Variants in CYB5B observed in about 807,000 individuals in gnomAD.
CYB5B encodes the protein cytochrome b5 type B.
CYB5B carries 14 observed loss-of-function variants against 21.3 expected under a neutral mutation model. That is an observed-to-expected ratio of 0.66 (90% CI 0.43 to 1.03). CYB5B has a LOEUF of 1.03. CYB5B is among the 50% of genes least tolerant of loss of function. The pLI is 0.00. For synonymous variants in CYB5B, 69 were observed against 68.4 expected (o/e 1.01, Z -0.04); for missense variants, 166 against 185.1 (o/e 0.90, Z 0.60).
At chr16:69,446,193 CTT>C (rs1240059706) in intron 1 of CYB5B, among the ~76,000 whole-genome samples, 5 of 152,150 alleles carry the variant, frequency 3.3e-5, no homozygotes, top group African/African-American at 7.2e-5. Flanking sequence ...GACAGGTACT[CTT>C]ATTAATATTT....
chr16:69,429,038 A>C (rs560285499), intron 1 of CYB5B, among the ~76,000 whole-genome samples: 191 of 152,346 alleles, frequency 1.3e-3, no homozygotes, highest in Non-Finnish European at 4.1e-4. Context: ...TTGGAGCAGA[A>C]GAGTGACATG....
chr16:69,456,586 T>C (rs915162241), intron 3 of CYB5B, among the ~76,000 whole-genome samples: 2 of 152,222 alleles, frequency 1.3e-5, no homozygotes, highest in South Asian at 2.1e-4. Context: ...ACTAAAATCA[T>C]AGTATTGCAA....
intron 3 of CYB5B, chr16:69,449,646 C>T (rs2014913015): frequency 6.6e-6 from 1 of 152,120 alleles, no homozygotes; most frequent in Non-Finnish European, 1.5e-5. Flanking sequence ...TCTTGTATCA[C>T]CTCAGTTGGA....
chr16:69,426,404 A>G (rs2014647111), intron 1 of CYB5B, among the ~76,000 whole-genome samples: 1 of 148,704 alleles, frequency 6.7e-6, no homozygotes. Flanking sequence ...ATCTCAAAAA[A>G]AAAAAAAAAA....
chr16:69,449,350 T>A (rs1425664538), intron 3 of CYB5B: 1 of 151,970 alleles, frequency 6.6e-6, no homozygotes, highest in Non-Finnish European at 1.5e-5. Flanking sequence ...ATAACTTGTG[T>A]TATTATGGTA....
intron 3 of CYB5B, chr16:69,448,395 G>A (rs2014899509): frequency 6.4e-6 from 3 of 468,490 alleles, no homozygotes; most frequent in Non-Finnish European, 1.1e-5. Flanking sequence ...CCAAAGCTAT[G>A]CCCTGTGTGG....
intron 3 of CYB5B, among the ~76,000 whole-genome samples, chr16:69,455,247 A>G (rs1366065122): frequency 6.6e-6 from 1 of 151,908 alleles, no homozygotes; most frequent in African/African-American, 2.4e-5. Flanking sequence ...TCTTTCCTAC[A>G]TTTATGTCCT....
At position 69,453,296 on chromosome 16, in the gene CYB5B, T is replaced by A. The variant is rs1042959859; in HGVS notation, c.333+5152T>A. On this transcript the variant is annotated intron_variant, in intron 3 of 4. Coordinates refer to ENST00000307892, the MANE Select transcript of CYB5B (RefSeq NM_030579.3). ...ATACATACAGTTTTCTGTTATATAA[T>A]GTATTATGTAACATACAGTTTACTT... Among the ~76,000 whole-genome samples the A allele has an allele frequency of 3.9e-5, 6 of 152,238 alleles. No homozygotes were observed. In the South Asian group the frequency reaches 1.2e-3, roughly 31 times the overall value.
chr16:69,461,566 G>C (rs2015036122), intron 4 of CYB5B, among the ~76,000 whole-genome samples: 1 of 152,134 alleles, frequency 6.6e-6, no homozygotes, highest in South Asian at 2.1e-4. Flanking sequence ...CTTAAGTAGA[G>C]GGGCAGCCGG....
In CYB5B at chr16:69,464,205, A is replaced by G. The variant is rs2015064136; in HGVS notation, c.*1685A>G. The G allele has an allele frequency of 6.6e-6, 1 of 152,238 alleles. No individual in the cohort carries two copies. Among genetic ancestry groups the G allele is most frequent in the Non-Finnish European group, 1.5e-5 (1 of 68,044 alleles). 9.4% of individuals were successfully genotyped at this position (152,238 alleles called of 1,614,324 possible). ...TTGTATCCTGTGATTTAGCAGTTGA[A>G]TGAATACAGAATTCATCAAAATAAT... On this transcript the variant is annotated 3_prime_UTR_variant, in exon 5 of 5. Transcript: ENST00000307892.
chr16:69,454,088 A>G (rs957981425), intron 3 of CYB5B, among the ~76,000 whole-genome samples: 9 of 152,192 alleles, frequency 5.9e-5, no homozygotes, highest in African/African-American at 1.2e-4. Flanking sequence ...CAGCCCTCCA[A>G]TGTTATAACA....
At chr16:69,441,562 G>T (rs1228957217) in intron 1 of CYB5B, among the ~76,000 whole-genome samples, 1 of 152,160 alleles carries the variant, frequency 6.6e-6, no homozygotes, top group East Asian at 1.9e-4. Flanking sequence ...TCATCTACCT[G>T]TTGATACAGA....
At chr16:69,431,893 ATGAGT>A (rs547838983) in intron 1 of CYB5B, among the ~76,000 whole-genome samples, 38 of 152,348 alleles carry the variant, frequency 2.5e-4, no homozygotes, top group African/African-American at 4.3e-4. Flanking sequence ...AAGAAAACAA[ATGAGT>A]TGAGAAAGAA....
At chr16:69,451,406 T>A (rs1177693507) in intron 3 of CYB5B, among the ~76,000 whole-genome samples, 1 of 152,178 alleles carries the variant, frequency 6.6e-6, no homozygotes, top group East Asian at 1.9e-4. Context: ...GTTAGCTGTT[T>A]TATCACTTAA....
chr16:69,443,147 GCTGGTCTCAAA>G (rs370904346), intron 1 of CYB5B: 18 of 152,216 alleles, frequency 1.2e-4, no homozygotes, highest in African/African-American at 4.3e-4. Flanking sequence ...CGTTGGCCAG[GCTGGTCTCAAA>G]CTCCTGGCCT....
intron 3 of CYB5B, among the ~76,000 whole-genome samples, chr16:69,450,915 C>G (rs74025775): frequency 0.016 from 2,380 of 152,222 alleles, 65 homozygotes; most frequent in African/African-American, 0.053. Flanking sequence ...CAAAATGTTG[C>G]TATTCCAAAG....
chr16:69,429,033 G>A (rs759966714), intron 1 of CYB5B, among the ~76,000 whole-genome samples: 17 of 152,194 alleles, frequency 1.1e-4, no homozygotes, highest in Non-Finnish European at 2.2e-4. Context: ...AATCATTGGA[G>A]CAGAAGAGTG....
intron 1 of CYB5B, among the ~76,000 whole-genome samples, chr16:69,432,335 T>C (rs1489331399): frequency 6.6e-6 from 1 of 152,218 alleles, no homozygotes; most frequent in Non-Finnish European, 1.5e-5. Context: ...GTTTTTCACT[T>C]TCAGTATGGT....
intron 3 of CYB5B, among the ~76,000 whole-genome samples, chr16:69,454,870 G>A (rs2014968068): frequency 6.6e-6 from 1 of 152,072 alleles, no homozygotes; most frequent in South Asian, 2.1e-4. Context: ...AAGGTATAAT[G>A]CCCTGTTTTT....
Sources: allele counts gnomAD v4.1 joint callset (sites outside exome capture counted in the v4.1 genomes callset), GRCh38; gene constraint gnomAD v4.1.1; transcripts MANE v1.5; gene names NCBI Gene and HGNC (gene_info 2026-07-23, HGNC 2026-07-21).